CNTNAP2: variants seen among roughly 807,000 people sequenced by gnomAD.
CNTNAP2 encodes contactin associated protein 2, also known as contactin-associated protein-like 2.
In CNTNAP2, 98 loss-of-function variants were observed where a neutral mutation model predicts 155.2. That is an observed-to-expected ratio of 0.63 (90% confidence interval 0.54 to 0.75). The LOEUF (loss-of-function observed/expected upper bound fraction) is 0.75, where lower values mean the gene tolerates loss of function less well. CNTNAP2 is among the 30% of genes least tolerant of loss of function. CNTNAP2 has a pLI of 0.00. For missense variants in CNTNAP2, 1,727 were observed against 1,688.1 expected, an observed-to-expected ratio of 1.02 and a Z score of -0.40; for synonymous variants, 651 against 631.2, an observed-to-expected ratio of 1.03 and a Z score of -0.47.
intron 14 of CNTNAP2, among the ~76,000 whole-genome samples, chr7:147,925,135 A>AAGAG (rs369044394): frequency 3.3e-4 from 26 of 77,956 alleles, no homozygotes; most frequent in South Asian, 1.8e-3. Flanking sequence ...AGAAAGAGAG[A>AAGAG]AGAGAGAGAG....
intron 1 of CNTNAP2, among the ~76,000 whole-genome samples, chr7:146,496,828 A>C (rs1019711132): frequency 6.6e-6 from 1 of 152,214 alleles, no homozygotes; most frequent in East Asian, 1.9e-4. Context: ...GGAAGTCAGC[A>C]GTCTATCTTT....
intron 10 of CNTNAP2, among the ~76,000 whole-genome samples, chr7:147,468,986 C>A (rs1287722222): frequency 1.3e-5 from 2 of 151,900 alleles, no homozygotes; most frequent in Non-Finnish European, 2.9e-5. Context: ...TCACGCCAGG[C>A]TGATTTTTGT....
chr7:148,272,984 T>G (rs1161739904), intron 21 of CNTNAP2, among the ~76,000 whole-genome samples: 1 of 152,190 alleles, frequency 6.6e-6, no homozygotes, highest in East Asian at 1.9e-4. Context: ...TAGTTGAGGC[T>G]TACTCAGCAA....
At chr7:147,994,622 T>C (rs1801770197) in intron 15 of CNTNAP2, among the ~76,000 whole-genome samples, 1 of 152,232 alleles carries the variant, frequency 6.6e-6, no homozygotes, top group Non-Finnish European at 1.5e-5. Context: ...AGAAGCTCTC[T>C]TTTTGCCTGC....
intron 15 of CNTNAP2, among the ~76,000 whole-genome samples, chr7:148,084,903 T>A (rs1051283394): frequency 6.6e-6 from 1 of 152,366 alleles, no homozygotes; most frequent in East Asian, 1.9e-4. Context: ...CCAGTCCTGA[T>A]GTTAAACACT....
At chr7:147,670,247 TG>T (rs1795765948) in intron 13 of CNTNAP2, among the ~76,000 whole-genome samples, 1 of 152,184 alleles carries the variant, frequency 6.6e-6, no homozygotes, top group South Asian at 2.1e-4. Context: ...GCATTAATCC[TG>T]AACACATGGC....
chr7:146,839,587 C>T lies in CNTNAP2; in HGVS notation c.209-124C>T, dbSNP rs545630772. The T allele has an allele frequency of 2.5e-4, 246 of 973,974 alleles. 6 individuals are homozygous for T. In the South Asian group the frequency reaches 3.4e-3, roughly 13 times the overall value. The allele number at this position is 973,974 out of a possible 1,614,324, so 60.3% of individuals were successfully genotyped here. On this transcript the variant is annotated intron_variant, in intron 2 of 23. Coordinates refer to ENST00000361727, the MANE Select transcript of CNTNAP2 (RefSeq NM_014141.6). ...CCAATGGCATCTATAAAGGATATTTCATAATATATCTGTGAAATAGAGCAC... is the reference window on the plus strand; with the variant it reads ...CCAATGGCATCTATAAAGGATATTTTATAATATATCTGTGAAATAGAGCAC...
chr7:146,561,299 T>C lies in CNTNAP2; in HGVS notation c.98-212972T>C, dbSNP rs570015198. Among the ~76,000 whole-genome samples, 3 of 152,088 alleles carry C rather than the reference T, an allele frequency of 2.0e-5. 1 individual carries two copies. In the South Asian group the frequency reaches 6.2e-4, roughly 32 times the overall value. ...AGAATTTACCTGACTGGCCAGCATA[T>C]ATAAAAGGGGCCATTACAAAAGTAT... On this transcript the variant is annotated intron_variant, in intron 1 of 23. Transcript: ENST00000361727.
chr7:146,656,916 T>A (rs1800004632), intron 1 of CNTNAP2, among the ~76,000 whole-genome samples: 1 of 152,190 alleles, frequency 6.6e-6, no homozygotes, highest in East Asian at 1.9e-4. Flanking sequence ...CTCATAGCCT[T>A]TAGAAGAAAC....
At chr7:146,514,909 G>T (rs753936481) in intron 1 of CNTNAP2, among the ~76,000 whole-genome samples, 4 of 151,990 alleles carry the variant, frequency 2.6e-5, no homozygotes, top group South Asian at 4.1e-4. Context: ...ACTTTAGATT[G>T]TGGCCTTCTT....
In CNTNAP2 at chr7:146,727,336, A is replaced by T. The variant is rs80004963; in HGVS notation, c.98-46935A>T. ...GGTGGTGTACTTGGAATATAAATGC[A>T]CATACTAATGGAGCTGATTTTATCA... On this transcript the variant is annotated intron_variant, in intron 1 of 23. Coordinates refer to ENST00000361727, the MANE Select transcript of CNTNAP2 (RefSeq NM_014141.6). 1.2e-4 allele frequency among the ~76,000 whole-genome samples: 18 copies of T among 152,334 alleles called. No individual in the cohort carries two copies. In the East Asian group the frequency reaches 3.1e-3, roughly 26 times the overall value.
chr7:146,724,254 A>G (rs1362892136), intron 1 of CNTNAP2, among the ~76,000 whole-genome samples: 1 of 152,170 alleles, frequency 6.6e-6, no homozygotes, highest in East Asian at 1.9e-4. Flanking sequence ...TGATTAAATG[A>G]AGTAGTACAT....
chr7:147,122,176 A>T (rs1801129402), intron 6 of CNTNAP2: 1 of 152,142 alleles, frequency 6.6e-6, no homozygotes, highest in South Asian at 2.1e-4. Context: ...ACTGCCTCAA[A>T]AAAAACAACA....
chr7:146,413,722 A>T (rs918783833), intron 1 of CNTNAP2, among the ~76,000 whole-genome samples: 3 of 151,942 alleles, frequency 2.0e-5, no homozygotes, highest in African/African-American at 7.3e-5. Context: ...TGCATGTGAG[A>T]TTTCAACTAC....
At chr7:146,518,994 T>C (rs1296668079) in intron 1 of CNTNAP2, among the ~76,000 whole-genome samples, 1 of 151,962 alleles carries the variant, frequency 6.6e-6, no homozygotes, top group Non-Finnish European at 1.5e-5. Context: ...CAGTATCACA[T>C]CTGTGAAGGT....
chr7:146,973,199 T>G (rs1797838110), intron 3 of CNTNAP2, among the ~76,000 whole-genome samples: 1 of 152,176 alleles, frequency 6.6e-6, no homozygotes, highest in South Asian at 2.1e-4. Flanking sequence ...CAGCTAATTT[T>G]GTAATTTTAG....
chr7:147,120,888 G>T, intron 5 of CNTNAP2, 91 bp from the exon 6 acceptor site: 1 of 1,175,794 alleles, frequency 8.5e-7, no homozygotes, highest in Non-Finnish European at 1.3e-6. Context: ...TGGAATGTCA[G>T]CCTCTAGGTG....
intron 1 of CNTNAP2, among the ~76,000 whole-genome samples, chr7:146,348,001 A>G (rs1365795287): frequency 6.6e-6 from 1 of 152,214 alleles, no homozygotes; most frequent in East Asian, 1.9e-4. Flanking sequence ...CTGCGAGACT[A>G]AACAAAAATC....
chr7:146,271,359 A>C (rs1375104252), intron 1 of CNTNAP2, among the ~76,000 whole-genome samples: 1 of 152,030 alleles, frequency 6.6e-6, no homozygotes, highest in African/African-American at 2.4e-5. Flanking sequence ...TATTGTTTTG[A>C]TGTATCTAAT....
Sources: gnomAD v4.1 joint callset for allele counts (sites outside exome capture counted in the v4.1 genomes callset) on GRCh38, gnomAD v4.1.1 for gene constraint, MANE v1.5 for transcripts, NCBI Gene and HGNC (gene_info 2026-07-23, HGNC 2026-07-21) for gene names.